The following SATB2 variants were observed in gnomAD, a reference collection of about 807,000 sequenced individuals.
The protein encoded by SATB2 is SATB homeobox 2, also known as DNA-binding protein SATB2.
SATB2 carries 1 observed loss-of-function variant against 73.4 expected under a neutral mutation model. The observed-to-expected ratio is 0.01, with a 90% CI of 0.00 to 0.06. The LOEUF is 0.06. Ranked by LOEUF, SATB2 falls within the 10% of genes least tolerant of loss-of-function variation. The pLI is 1.00. For synonymous variants in SATB2, 397 were observed against 367.0 expected (o/e 1.08, Z -0.93); for missense variants, 459 against 945.8 (o/e 0.49, Z 6.75).
At chr2:199,403,677 T>G in intron 3 of SATB2, among the ~76,000 whole-genome samples, 1 of 152,190 alleles carries the variant, frequency 6.6e-6, no homozygotes, top group East Asian at 1.9e-4. Flanking sequence ...TTAAATAAAT[T>G]CTTGACTATT....
intron 10 of SATB2, among the ~76,000 whole-genome samples, chr2:199,277,601 GGTTT>G (rs1436385416): frequency 6.6e-6 from 1 of 151,938 alleles, no homozygotes; most frequent in African/African-American, 2.4e-5. Flanking sequence ...AGTCCTAAAT[GGTTT>G]ATTTAAAAGC....
upstream of SATB2, chr2:199,468,300 C>T (rs2105971654): frequency 6.8e-6 from 1 of 147,434 alleles, no homozygotes; most frequent in East Asian, 1.9e-4. Context: ...TATTTCGTTT[C>T]TTCCTCTTCC....
At chr2:199,378,615 G>A (rs6718908) in intron 5 of SATB2, among the ~76,000 whole-genome samples, 143,344 of 152,162 alleles carry the variant, frequency 0.94, 68,127 homozygotes, top group East Asian at 1. Flanking sequence ...TTTTTTTCGA[G>A]GCAAAAATAT....
intron 7 of SATB2, among the ~76,000 whole-genome samples, chr2:199,345,233 A>G (rs1188657047): frequency 6.6e-6 from 1 of 151,586 alleles, no homozygotes; most frequent in Non-Finnish European, 1.5e-5. Context: ...CTCTTGCTCT[A>G]GTCCTGATAA....
intron 3 of SATB2, among the ~76,000 whole-genome samples, chr2:199,408,903 A>C (rs2105900619): frequency 6.6e-6 from 1 of 152,294 alleles, no homozygotes; most frequent in Non-Finnish European, 1.5e-5. Flanking sequence ...CTACCAGGGA[A>C]GTCATGGAGG....
Position 199,446,598 on chromosome 2 carries a change from C to T in SATB2, c.169+9271G>A, listed in dbSNP as rs559078325. ...ATGTTTAGGTTTAAATTATAAAGTC[C>T]AGAAGAAACGGAACCACTAATAGAC... On this transcript the variant is annotated intron_variant, in intron 2 of 10. Coordinates refer to ENST00000417098, the MANE Select transcript of SATB2 (RefSeq NM_001172509.2). 5.9e-5 allele frequency among the ~76,000 whole-genome samples: 9 copies of T among 152,194 alleles called. 1 individual carries two copies. Among genetic ancestry groups the T allele is most frequent in the African/African-American group, 2.2e-4 (9 of 41,526 alleles).
chr2:199,437,458 T>G (rs986324714), intron 2 of SATB2, among the ~76,000 whole-genome samples: 1 of 152,166 alleles, frequency 6.6e-6, no homozygotes, highest in African/African-American at 2.4e-5. Context: ...TGTGTATAAT[T>G]TATAAAGCGT....
chr2:199,324,115 T>C (rs942470859), intron 8 of SATB2, among the ~76,000 whole-genome samples, 157 bp from the exon 9 acceptor site: 3 of 152,178 alleles, frequency 2.0e-5, no homozygotes, highest in African/African-American at 7.2e-5. Flanking sequence ...TTAATTGTGA[T>C]TGGAAATAAT....
At chr2:199,456,703 G>A (rs918516129) in intron 1 of SATB2, among the ~76,000 whole-genome samples, 1 of 152,162 alleles carries the variant, frequency 6.6e-6, no homozygotes, top group Admixed American at 6.5e-5. Flanking sequence ...GAAAACACTT[G>A]GAGGTATTTA....
At chr2:199,467,292 C>G (rs1692612651), upstream of SATB2, 2 of 152,288 alleles carry the variant, frequency 1.3e-5, no homozygotes, top group South Asian at 4.1e-4. Context: ...AGCCCGAGGC[C>G]TTAGCCCAGC....
intron 3 of SATB2, among the ~76,000 whole-genome samples, chr2:199,420,725 G>C (rs983351470): frequency 6.6e-6 from 1 of 152,086 alleles, no homozygotes; most frequent in Non-Finnish European, 1.5e-5. Context: ...AATTGCATTA[G>C]TTTGAAGTGC....
intron 6 of SATB2, among the ~76,000 whole-genome samples, chr2:199,351,029 C>CAAAA (rs35503848): frequency 1.4e-5 from 1 of 71,692 alleles, no homozygotes; most frequent in Non-Finnish European, 3.0e-5. Flanking sequence ...ACTCTGTCTC[C>CAAAA]AAAAAAAAAA....
chr2:199,422,195 A>T (rs1467304134), intron 3 of SATB2, among the ~76,000 whole-genome samples: 1 of 152,148 alleles, frequency 6.6e-6, no homozygotes, highest in African/African-American at 2.4e-5. Flanking sequence ...ACGTAAAAGT[A>T]TGCATAGAAC....
At chr2:199,323,704 C>CTGT (rs1278179968) in intron 9 of SATB2, 99 bp downstream of exon 9, 6 of 1,268,070 alleles carry the variant, frequency 4.7e-6, no homozygotes, top group Non-Finnish European at 6.9e-6. Context: ...GGGGTTATTA[C>CTGT]TGTTATTATT....
chr2:199,391,525 A>G (rs577148491), intron 3 of SATB2, among the ~76,000 whole-genome samples: 39 of 152,180 alleles, frequency 2.6e-4, no homozygotes, highest in African/African-American at 9.2e-4. Context: ...ACATTTTCAT[A>G]TATATGTTAT....
chr2:199,410,056 C>T (rs1690765497), intron 3 of SATB2, among the ~76,000 whole-genome samples: 1 of 152,130 alleles, frequency 6.6e-6, no homozygotes, highest in African/African-American at 2.4e-5. Context: ...CCTGTGCAAA[C>T]AGACTATTCT....
chr2:199,289,822 C>T (rs569667110), intron 10 of SATB2, among the ~76,000 whole-genome samples: 6 of 152,280 alleles, frequency 3.9e-5, no homozygotes, highest in Admixed American at 2.6e-4. Context: ...GTTGATCCCA[C>T]GTGTTGCTGA....
chr2:199,283,249 A>ATTTTTTTT (rs58013191), intron 10 of SATB2, among the ~76,000 whole-genome samples: 1 of 136,828 alleles, frequency 7.3e-6, no homozygotes, highest in Non-Finnish European at 1.5e-5. Flanking sequence ...ATGCCTAGCT[A>ATTTTTTTT]TTTTTTTTTT....
intron 9 of SATB2, among the ~76,000 whole-genome samples, chr2:199,312,960 A>T (rs994500643): frequency 2.0e-5 from 3 of 152,220 alleles, no homozygotes; most frequent in African/African-American, 7.2e-5. Flanking sequence ...ACCGTCACAG[A>T]CTGCAGAAGA....
Sources: gnomAD v4.1 joint callset for allele counts (sites outside exome capture counted in the v4.1 genomes callset) on GRCh38, gnomAD v4.1.1 for gene constraint, MANE v1.5 for transcripts, NCBI Gene and HGNC (gene_info 2026-07-23, HGNC 2026-07-21) for gene names.